ADAMTSL1: variants seen among roughly 807,000 people sequenced by gnomAD.
ADAMTSL1 encodes ADAMTS-like protein 1.
In ADAMTSL1, 126 loss-of-function variants were observed where a neutral mutation model predicts 201.8. The ratio of observed to expected loss-of-function variants is 0.62; its 90% CI spans 0.54 to 0.72. The LOEUF (loss-of-function observed/expected upper bound fraction) is 0.72. Among genes scored for constraint, ADAMTSL1 ranks in the 30% least tolerant of loss-of-function variants. ADAMTSL1 has a pLI of 0.00. For missense variants in ADAMTSL1, 2,679 were observed against 2,277.8 expected, an observed-to-expected ratio of 1.18 and a Z score of -3.59; for synonymous variants, 1,121 against 903.4, an observed-to-expected ratio of 1.24 and a Z score of -4.32.
chr9:18,327,406 G>A (rs1445250600), intron 2 of ADAMTSL1, among the ~76,000 whole-genome samples: 3 of 152,192 alleles, frequency 2.0e-5, no homozygotes, highest in Non-Finnish European at 2.9e-5. Flanking sequence ...TTATTTTGGG[G>A]TATTTAGAAG....
In ADAMTSL1 at chr9:18,777,564, AC is replaced by A. The variant is rs1821127338; in HGVS notation, c.3337del (p.Leu1113TrpfsTer8). 1.2e-6 allele frequency: 2 copies of A among 1,608,186 alleles called. No individual in the cohort carries two copies. The highest frequency in any genetic ancestry group is 1.7e-6 in the Non-Finnish European group (2 of 1,177,654). ...CTGGCCCAGGAGATCTTCCGCAGCC[AC>A]CTGGAGCACCAGGACACGCTCCTGA... is the stretch of plus-strand genomic sequence containing the variant. ...AQLAQEIFRS[H>X]LEHQDTLLKP... is the part of the protein sequence containing the mutation. On this transcript the variant is annotated frameshift_variant, in exon 19 of 29. Transcript: ENST00000380548. LOFTEE classifies it high-confidence loss of function.
chr9:18,117,264 C>T (rs775531416), intron 1 of ADAMTSL1, among the ~76,000 whole-genome samples: 5 of 152,170 alleles, frequency 3.3e-5, no homozygotes, highest in Non-Finnish European at 5.9e-5. Context: ...TCTCTGTTGT[C>T]TGCCCCTCTT....
chr9:18,708,067 G>C (rs1832333145), intron 14 of ADAMTSL1, among the ~76,000 whole-genome samples: 1 of 152,204 alleles, frequency 6.6e-6, no homozygotes, highest in African/African-American at 2.4e-5. Flanking sequence ...CTTTGAGCAT[G>C]TTGAGATTCT....
chr9:18,005,327 G>A (rs1455571984), intron 1 of ADAMTSL1, among the ~76,000 whole-genome samples: 6 of 152,076 alleles, frequency 3.9e-5, no homozygotes, highest in Middle Eastern at 3.2e-3. Flanking sequence ...AACTGCTACA[G>A]AAGGAAGCTG....
At chr9:18,014,168 T>C (rs1169694548) in intron 1 of ADAMTSL1, among the ~76,000 whole-genome samples, 1 of 152,048 alleles carries the variant, frequency 6.6e-6, no homozygotes, top group African/African-American at 2.4e-5. Context: ...ACCTGTGGCT[T>C]TGGGGCTGTG....
intron 20 of ADAMTSL1, among the ~76,000 whole-genome samples, chr9:18,808,273 G>A (rs140776691): frequency 6.6e-6 from 1 of 152,268 alleles, no homozygotes; most frequent in East Asian, 1.9e-4. Flanking sequence ...TCTGAAGTGG[G>A]ACTCAAAATA....
chr9:18,390,708 C>A (rs1282810719), intron 2 of ADAMTSL1, among the ~76,000 whole-genome samples: 1 of 152,064 alleles, frequency 6.6e-6, no homozygotes, highest in Non-Finnish European at 1.5e-5. Context: ...TGGAGGAAAA[C>A]AAGATACTTG....
chr9:18,214,254 A>G (rs1418918341), intron 2 of ADAMTSL1, among the ~76,000 whole-genome samples: 1 of 152,230 alleles, frequency 6.6e-6, no homozygotes, highest in East Asian at 1.9e-4. Flanking sequence ...AAATTAGATA[A>G]GCATAGTTAT....
At chr9:18,422,943 T>C (rs551302083) in intron 2 of ADAMTSL1, among the ~76,000 whole-genome samples, 1 of 152,288 alleles carries the variant, frequency 6.6e-6, no homozygotes, top group African/African-American at 2.4e-5. Flanking sequence ...TGTTATCCAA[T>C]AGTGTTAATT....
At chr9:18,581,060 C>T (rs1312298575) in intron 4 of ADAMTSL1, among the ~76,000 whole-genome samples, 1 of 152,016 alleles carries the variant, frequency 6.6e-6, no homozygotes, top group Non-Finnish European at 1.5e-5. Context: ...GGCCAGAATT[C>T]AAAAATCAAA....
chr9:18,626,462 G>T (rs145590479), intron 5 of ADAMTSL1, among the ~76,000 whole-genome samples: 7 of 152,264 alleles, frequency 4.6e-5, no homozygotes, highest in African/African-American at 9.6e-5. Context: ...AAGTGCAGAC[G>T]TCCTGTGGTA....
chr9:17,986,635 A>G (rs1317741298), intron 1 of ADAMTSL1, among the ~76,000 whole-genome samples: 1 of 152,150 alleles, frequency 6.6e-6, no homozygotes, highest in East Asian at 1.9e-4. Context: ...ATTTAAAATT[A>G]TGCTATATGT....
intron 1 of ADAMTSL1, among the ~76,000 whole-genome samples, chr9:18,063,745 G>A (rs1355066128): frequency 1.3e-5 from 2 of 152,112 alleles, no homozygotes; most frequent in African/African-American, 4.8e-5. Context: ...AATAATTGGG[G>A]AAACTACACT....
intron 2 of ADAMTSL1, among the ~76,000 whole-genome samples, chr9:18,528,651 A>T (rs1267573326): frequency 6.6e-6 from 1 of 152,218 alleles, no homozygotes; most frequent in Admixed American, 6.5e-5. Context: ...TATTGTGAAT[A>T]GTGCTAGAAG....
intron 1 of ADAMTSL1, among the ~76,000 whole-genome samples, chr9:17,935,293 C>T (rs560947445): frequency 6.6e-5 from 10 of 152,226 alleles, no homozygotes; most frequent in African/African-American, 2.4e-4. Context: ...CCTTCTGTCT[C>T]CCATGTTCCC....
chr9:18,621,315 A>C (rs1450061471), intron 4 of ADAMTSL1, among the ~76,000 whole-genome samples: 1 of 152,198 alleles, frequency 6.6e-6, no homozygotes, highest in Non-Finnish European at 1.5e-5. Flanking sequence ...TGATGTTGTT[A>C]AGCCTGATTT....
chr9:17,998,000 T>C (rs1340323938), intron 1 of ADAMTSL1, among the ~76,000 whole-genome samples: 1 of 152,032 alleles, frequency 6.6e-6, no homozygotes, highest in Non-Finnish European at 1.5e-5. Context: ...AGCAGTATTC[T>C]CCATTAATAA....
At chr9:18,396,433 C>A in intron 2 of ADAMTSL1, among the ~76,000 whole-genome samples, 1 of 150,172 alleles carries the variant, frequency 6.7e-6, no homozygotes, top group South Asian at 2.1e-4. Flanking sequence ...AATAAATATT[C>A]ATTACTATTC....
chr9:18,879,672 C>A (rs996404037), intron 23 of ADAMTSL1, among the ~76,000 whole-genome samples: 3 of 152,224 alleles, frequency 2.0e-5, no homozygotes, highest in African/African-American at 7.2e-5. Context: ...TAACAATTAT[C>A]TGAGCCTTAA....
Sources: allele counts gnomAD v4.1 joint callset (sites outside exome capture counted in the v4.1 genomes callset), GRCh38; gene constraint gnomAD v4.1.1; transcripts MANE v1.5; gene names NCBI Gene and HGNC (gene_info 2026-07-23, HGNC 2026-07-21).